ASH1L: variants seen among roughly 807,000 people sequenced by gnomAD.
The protein encoded by ASH1L is ASH1 like histone lysine methyltransferase, also known as histone-lysine N-methyltransferase ASH1L.
ASH1L carries 23 observed loss-of-function variants against 269.0 expected under a neutral mutation model. That is an observed-to-expected ratio of 0.09 (90% CI 0.06 to 0.12). The LOEUF is 0.12. ASH1L is among the 10% of genes least tolerant of loss of function. ASH1L has a pLI of 1.00. For synonymous variants in ASH1L, 1,187 were observed against 1,253.5 expected, an observed-to-expected ratio of 0.95 and a Z score of 1.12; for missense variants, 2,912 against 3,567.8, an observed-to-expected ratio of 0.82 and a Z score of 4.68.
At chr1:155,551,833 G>T (rs568649381) in intron 1 of ASH1L, among the ~76,000 whole-genome samples, 2 of 150,236 alleles carry the variant, frequency 1.3e-5, no homozygotes, top group Non-Finnish European at 3.0e-5. Context: ...AAAATTAGCC[G>T]GGCGTGGTGG....
intron 4 of ASH1L, among the ~76,000 whole-genome samples, chr1:155,448,973 T>C (rs1663248304): frequency 6.6e-6 from 1 of 151,674 alleles, no homozygotes; most frequent in African/African-American, 2.4e-5. Flanking sequence ...CTCGCTTTGT[T>C]GCCAGGCTGG....
intron 25 of ASH1L, among the ~76,000 whole-genome samples, chr1:155,340,633 A>G (rs1373445860): frequency 6.6e-6 from 1 of 152,208 alleles, no homozygotes; most frequent in African/African-American, 2.4e-5. Flanking sequence ...GATGAATGAC[A>G]AAACGTATAA....
chr1:155,465,172 T>C (rs1664579821), intron 3 of ASH1L, among the ~76,000 whole-genome samples: 1 of 151,238 alleles, frequency 6.6e-6, no homozygotes, highest in Admixed American at 6.6e-5. Context: ...GTGTCTGCAG[T>C]GGTGGAGGCA....
intron 5 of ASH1L, among the ~76,000 whole-genome samples, chr1:155,434,625 G>A (rs998332236): frequency 6.6e-6 from 1 of 152,092 alleles, no homozygotes; most frequent in African/African-American, 2.4e-5. Context: ...GGCCGAGGCG[G>A]GAGGATCATC....
At position 155,522,623 on chromosome 1, in the gene ASH1L, CA is replaced by C; in HGVS notation, c.-99-1006del. Among the ~76,000 whole-genome samples, 2 of 152,040 alleles carry C rather than the reference CA, an allele frequency of 1.3e-5. 1 individual carries two copies. Among genetic ancestry groups the C allele is most frequent in the Admixed American group, 1.3e-4 (2 of 15,248 alleles). On this transcript the variant is annotated intron_variant, in intron 1 of 27. Transcript: ENST00000392403. ...TCTCAGAATCTCCACAAAGCACTCCCATTTTAAATATAAAGATCCTCAGGAA... is the reference window on the plus strand; with the variant it reads ...TCTCAGAATCTCCACAAAGCACTCCCTTTTAAATATAAAGATCCTCAGGAA...
intron 4 of ASH1L, among the ~76,000 whole-genome samples, chr1:155,439,642 G>T (rs1473912175): frequency 6.6e-6 from 1 of 152,112 alleles, no homozygotes; most frequent in Non-Finnish European, 1.5e-5. Context: ...CGAGGCTGCA[G>T]TGAGTCACTG....
rs748963366 is a variant in ASH1L, at chr1:155,562,799, GCCT to G, written c.-749_-747del. 8.7e-4 allele frequency: 521 copies of G among 597,374 alleles called. 1 individual carries two copies. Among genetic ancestry groups the G allele is most frequent in the East Asian group, 2.1e-3 (51 of 24,314 alleles). The allele number at this position is 597,374 out of a possible 1,614,324, so 37.0% of individuals were successfully genotyped here. On this transcript the variant is annotated 5_prime_UTR_variant, in exon 1 of 28. Coordinates refer to ENST00000392403, the MANE Select transcript of ASH1L (RefSeq NM_018489.3). The stretch of plus-strand genomic sequence containing the variant: ...CGTACCTTCAACGGCGCAAGCCCAA[GCCT>G]CCTCCTCCTCCTCCTCCACCTCCTC...
intron 5 of ASH1L, among the ~76,000 whole-genome samples, chr1:155,434,920 G>A (rs1661960541): frequency 6.6e-6 from 1 of 152,128 alleles, no homozygotes; most frequent in African/African-American, 2.4e-5. Context: ...TACTTTGGGA[G>A]GCCAAGGCAG....
chr1:155,379,834 C>T (rs1448617593), intron 8 of ASH1L, among the ~76,000 whole-genome samples: 1 of 152,166 alleles, frequency 6.6e-6, no homozygotes, highest in Non-Finnish European at 1.5e-5. Context: ...AAAGCAGGAA[C>T]TTACTGCTAT....
intron 6 of ASH1L, among the ~76,000 whole-genome samples, chr1:155,407,681 G>A (rs1659410485): frequency 6.6e-6 from 1 of 152,110 alleles, no homozygotes; most frequent in Non-Finnish European, 1.5e-5. Context: ...ATTAACTGAT[G>A]AATGGATAAA....
rs1298751038 is a variant in ASH1L at position 155,354,456 on chromosome 1, T to C, written c.7213+17A>G. On this transcript the variant is annotated intron_variant, in intron 16 of 27. Coordinates refer to ENST00000392403, the MANE Select transcript of ASH1L (RefSeq NM_018489.3). ...GAAACTCTGTCTCAAAAAAAAGAAA[T>C]GTTTCAAATGCCTTACCAGACTTGA... 4 of 1,599,490 alleles carry C rather than the reference T, an allele frequency of 2.5e-6. No individual in the cohort carries two copies. The highest frequency in any genetic ancestry group is 1.3e-5 in the African/African-American group (1 of 74,232).
intron 5 of ASH1L, among the ~76,000 whole-genome samples, chr1:155,429,776 C>T (rs554379354): frequency 2.0e-5 from 3 of 152,124 alleles, no homozygotes; most frequent in African/African-American, 7.2e-5. Context: ...ATTTACTTAG[C>T]TTATGTTATG....
chr1:155,438,784 A>C lies in ASH1L; in HGVS notation c.5371T>G (p.Ser1791Ala), dbSNP rs1203988797. The part of the protein sequence containing the change: ...LLSEKLTSSC[S>A]PHHIKRSVVE... ...ACACTTCTCTTGATATGATGGGGGG[A>C]ACAGCTGCTTGTCAACTTTTCAGAT... Residue 1791 changes from serine to alanine, a missense_variant, in exon 5 of 28, where the codon TCC becomes GCC. This residue lies in a region of ASH1L where 789 missense variants were observed against 897.6 expected (regional missense o/e 0.88). Coordinates refer to ENST00000392403, the MANE Select transcript of ASH1L (RefSeq NM_018489.3). 3 of 1,613,818 alleles carry C rather than the reference A, an allele frequency of 1.9e-6. No individual in the cohort carries two copies. The Admixed American group carries it at 5.0e-5, about 27-fold the overall frequency.
intron 5 of ASH1L, chr1:155,433,836 A>G: frequency 6.2e-6 from 10 of 1,606,850 alleles, no homozygotes; most frequent in Non-Finnish European, 8.5e-6. Context: ...AATCTTCAGG[A>G]GACATGCAAA....
rs751752515 is a variant in ASH1L at position 155,434,064 on chromosome 1, G to A, written c.5828+4263C>T. Reference sequence around the variant, plus strand: ...CAATCAAGCAGCGACTATGCATAACGAGAGGATTTTGAGGCTGCTGGGTCT... The same window carrying A: ...CAATCAAGCAGCGACTATGCATAACAAGAGGATTTTGAGGCTGCTGGGTCT... On this transcript the variant is annotated intron_variant, in intron 5 of 27. Transcript: ENST00000392403. 4.4e-6 allele frequency: 7 copies of A among 1,592,230 alleles called. No individual in the cohort carries two copies. The Admixed American group carries it at 7.1e-5, about 16-fold the overall frequency.
intron 1 of ASH1L, among the ~76,000 whole-genome samples, chr1:155,545,764 T>TA (rs1670764787): frequency 6.6e-6 from 1 of 152,192 alleles, no homozygotes; most frequent in Non-Finnish European, 1.5e-5. Context: ...CTCATGCCTG[T>TA]AACCCCAGCA....
chr1:155,530,048 T>C (rs775620569), intron 1 of ASH1L, among the ~76,000 whole-genome samples: 45 of 152,132 alleles, frequency 3.0e-4, no homozygotes, highest in Admixed American at 2.8e-3. Context: ...CTTGGGACCT[T>C]TGCACTTACC....
chr1:155,359,538 G>A (rs1654748024), intron 13 of ASH1L, among the ~76,000 whole-genome samples: 1 of 152,042 alleles, frequency 6.6e-6, no homozygotes, highest in Non-Finnish European at 1.5e-5. Flanking sequence ...GCCTCCCAAA[G>A]TGCCGGGATT....
chr1:155,469,793 C>T (rs1423566107), intron 3 of ASH1L, among the ~76,000 whole-genome samples: 1 of 152,206 alleles, frequency 6.6e-6, no homozygotes, highest in African/African-American at 2.4e-5. Flanking sequence ...TCTACCTGAT[C>T]TCTTTTCACT....
Sources: allele counts gnomAD v4.1 joint callset (sites outside exome capture counted in the v4.1 genomes callset), GRCh38; gene constraint gnomAD v4.1.1; regional missense constraint gnomAD v4.1.1; transcripts MANE v1.5; gene names NCBI Gene and HGNC (gene_info 2026-07-23, HGNC 2026-07-21).